ZNF536: variants seen among roughly 807,000 people sequenced by gnomAD.
ZNF536 encodes zinc finger protein 536.
Under a neutral mutation model 84.5 loss-of-function variants are expected in ZNF536, and 13 were observed. That is an observed-to-expected ratio of 0.15 (90% CI 0.10 to 0.24). The LOEUF is 0.24. Among genes scored for constraint, ZNF536 ranks in the 10% least tolerant of loss-of-function variants. The pLI is 1.00. For missense variants in ZNF536, 1,536 were observed against 1,747.5 expected, an observed-to-expected ratio of 0.88 and a Z score of 2.16; for synonymous variants, 811 against 742.5, an observed-to-expected ratio of 1.09 and a Z score of -1.50.
intron 2 of ZNF536, among the ~76,000 whole-genome samples, chr19:30,519,380 G>C (rs1048678741): frequency 2.0e-5 from 3 of 152,242 alleles, no homozygotes; most frequent in African/African-American, 7.2e-5. Context: ...GTGAGGCTGG[G>C]AAGACCAAGC....
chr19:30,270,222 G>A (rs567901366), intron 1 of ZNF536, among the ~76,000 whole-genome samples: 17 of 152,236 alleles, frequency 1.1e-4, no homozygotes, highest in Non-Finnish European at 2.2e-4. Context: ...GGCATGTCCC[G>A]GGAGTGCATC....
At chr19:30,605,025 T>A (rs561642182) in intron 1 of ZNF536, among the ~76,000 whole-genome samples, 14 of 152,304 alleles carry the variant, frequency 9.2e-5, no homozygotes, top group African/African-American at 3.4e-4. Context: ...CCTTATTTAA[T>A]CCTCACAGTC....
intron 3 of ZNF536, among the ~76,000 whole-genome samples, chr19:30,354,648 A>G (rs1464816431): frequency 1.3e-5 from 2 of 152,208 alleles, no homozygotes; most frequent in Non-Finnish European, 2.9e-5. Flanking sequence ...ATTTTCCCAG[A>G]CTGGAAATAT....
At chr19:30,485,024 G>C (rs890405229) in intron 2 of ZNF536, among the ~76,000 whole-genome samples, 13 of 151,916 alleles carry the variant, frequency 8.6e-5, no homozygotes, top group Non-Finnish European at 1.8e-4. Context: ...GGCACCTGTA[G>C]TCCCAGCTAC....
intron 2 of ZNF536, among the ~76,000 whole-genome samples, chr19:30,482,802 G>GC (rs944226644): frequency 4.6e-5 from 7 of 152,070 alleles, no homozygotes; most frequent in Non-Finnish European, 8.8e-5. Flanking sequence ...CCCTTGTCCA[G>GC]CCCCCCAGCT....
At chr19:30,480,546 C>G (rs1279183012) in intron 2 of ZNF536, among the ~76,000 whole-genome samples, 1 of 151,730 alleles carries the variant, frequency 6.6e-6, no homozygotes, top group East Asian at 1.9e-4. Flanking sequence ...CGGGGCCTGT[C>G]GTGGGGTAGG....
chr19:30,312,912 A>G (rs945298538), intron 2 of ZNF536, among the ~76,000 whole-genome samples: 5 of 152,378 alleles, frequency 3.3e-5, no homozygotes, highest in East Asian at 1.9e-4. Context: ...AAATGGGTAC[A>G]GTAGCATTTG....
chr19:30,674,272 G>T (rs1022160522), intron 1 of ZNF536, among the ~76,000 whole-genome samples: 30 of 152,342 alleles, frequency 2.0e-4, no homozygotes, highest in Middle Eastern at 3.4e-3. Flanking sequence ...CGTAAGCAGA[G>T]CTAGGGCTGG....
intron 1 of ZNF536, among the ~76,000 whole-genome samples, chr19:30,565,060 G>A (rs977958547): frequency 5.9e-5 from 9 of 152,098 alleles, no homozygotes; most frequent in Non-Finnish European, 8.8e-5. Context: ...TGTTTGTTGC[G>A]TTGAGAGGTC....
intron 2 of ZNF536, among the ~76,000 whole-genome samples, chr19:30,473,891 G>C (rs1023478647): frequency 5.3e-5 from 8 of 152,216 alleles, no homozygotes; most frequent in South Asian, 2.1e-4. Context: ...AGTTCCACCA[G>C]GCACCAGCTT....
At chr19:30,459,888 C>G (rs554161293) in intron 2 of ZNF536, among the ~76,000 whole-genome samples, 1 of 152,204 alleles carries the variant, frequency 6.6e-6, no homozygotes, top group African/African-American at 2.4e-5. Flanking sequence ...TAGTTCCTGC[C>G]CAACATGCCA....
intron 2 of ZNF536, among the ~76,000 whole-genome samples, chr19:30,483,537 G>T (rs1018430870): frequency 2.0e-5 from 3 of 146,698 alleles, no homozygotes; most frequent in Admixed American, 1.4e-4. Flanking sequence ...GGTCCAGGCG[G>T]TTCCTTCTCA....
chr19:30,425,456 T>C lies in ZNF536; in HGVS notation c.-2-18105T>C, dbSNP rs576320486. ...GTATTGACTCATATCAGTGCAAATA[T>C]GTAAATGGTTCAGCCTCAGGTGCTG... On this transcript the variant is annotated intron_variant, in intron 1 of 4. Coordinates refer to ENST00000355537, the MANE Select transcript of ZNF536 (RefSeq NM_014717.3). 5.2e-4 allele frequency among the ~76,000 whole-genome samples: 79 copies of C among 152,288 alleles called. 1 individual carries two copies. Among genetic ancestry groups the C allele is most frequent in the African/African-American group, 1.9e-3 (78 of 41,560 alleles).
chr19:30,379,059 A>G (rs779274974), intron 1 of ZNF536, among the ~76,000 whole-genome samples: 2 of 152,222 alleles, frequency 1.3e-5, no homozygotes, highest in Non-Finnish European at 2.9e-5. Flanking sequence ...GAAATAACAC[A>G]TGTGCCGTCA....
chr19:30,379,083 G>A (rs2048922118), intron 1 of ZNF536, among the ~76,000 whole-genome samples: 2 of 152,114 alleles, frequency 1.3e-5, no homozygotes, highest in Admixed American at 6.5e-5. Flanking sequence ...TGAAAACCTC[G>A]GTCAAATATT....
chr19:30,486,066 C>T (rs996251817), intron 2 of ZNF536, among the ~76,000 whole-genome samples: 1 of 152,022 alleles, frequency 6.6e-6, no homozygotes, highest in Non-Finnish European at 1.5e-5. Context: ...GCCAGTGACA[C>T]ATGTATTTTC....
chr19:30,405,867 T>C (rs1230655109), intron 1 of ZNF536, among the ~76,000 whole-genome samples: 2 of 151,768 alleles, frequency 1.3e-5, no homozygotes, highest in African/African-American at 4.8e-5. Flanking sequence ...AACCTCCACC[T>C]CCTGGGTTCA....
At chr19:30,463,867 A>G (rs1041419332) in intron 2 of ZNF536, among the ~76,000 whole-genome samples, 4 of 151,986 alleles carry the variant, frequency 2.6e-5, no homozygotes, top group Non-Finnish European at 4.4e-5. Flanking sequence ...ATGAAACCTC[A>G]TGGTGATGTG....
At chr19:30,421,869 C>A (rs902350024) in intron 1 of ZNF536, among the ~76,000 whole-genome samples, 1 of 152,228 alleles carries the variant, frequency 6.6e-6, no homozygotes, top group Non-Finnish European at 1.5e-5. Flanking sequence ...CAGCAGTATT[C>A]AGCCAGAATT....
Sources: gnomAD v4.1 joint callset for allele counts (sites outside exome capture counted in the v4.1 genomes callset) on GRCh38, gnomAD v4.1.1 for gene constraint, MANE v1.5 for transcripts, NCBI Gene and HGNC (gene_info 2026-07-23, HGNC 2026-07-21) for gene names.